EMCN: variants seen among roughly 807,000 people sequenced by gnomAD.
EMCN encodes MUC-14.
In EMCN, 37 loss-of-function variants were observed where a neutral mutation model predicts 38.4. The observed-to-expected ratio is 0.96, with a 90% CI of 0.74 to 1.27. EMCN has a LOEUF of 1.27. Among genes scored for constraint, EMCN ranks in the 50% most tolerant of loss-of-function variants. The pLI, the probability that EMCN is intolerant of heterozygous loss-of-function variation, is 0.00. For missense variants in EMCN, 318 were observed against 302.8 expected (o/e 1.05, Z -0.37); for synonymous variants, 95 against 100.8 (o/e 0.94, Z 0.35).
chr4:100,422,719 A>G (rs1477131385), intron 7 of EMCN, among the ~76,000 whole-genome samples: 2 of 151,914 alleles, frequency 1.3e-5, no homozygotes, highest in East Asian at 3.9e-4. Context: ...CCATCGAGTC[A>G]TCCTTGGCCC....
intron 5 of EMCN, among the ~76,000 whole-genome samples, chr4:100,439,525 T>C (rs1727451206): frequency 1.3e-5 from 2 of 151,510 alleles, no homozygotes; most frequent in African/African-American, 4.8e-5. Flanking sequence ...TAGTCTTCCC[T>C]TTTTTTCATT....
At chr4:100,419,882 C>T (rs1578400017) in intron 8 of EMCN, among the ~76,000 whole-genome samples, 1 of 152,070 alleles carries the variant, frequency 6.6e-6, no homozygotes, top group Admixed American at 6.6e-5. Flanking sequence ...CTGTCGTTAT[C>T]ATACTACAAC....
At chr4:100,494,799 C>T (rs1236306652) in intron 1 of EMCN, among the ~76,000 whole-genome samples, 7 of 149,398 alleles carry the variant, frequency 4.7e-5, no homozygotes, top group African/African-American at 1.7e-4. Context: ...TTTTTTTTTG[C>T]CCCAAGAGTA....
At chr4:100,448,350 T>C (rs1184158395) in intron 4 of EMCN, among the ~76,000 whole-genome samples, 1 of 152,138 alleles carries the variant, frequency 6.6e-6, no homozygotes, top group Non-Finnish European at 1.5e-5. Flanking sequence ...CTTTGTATAT[T>C]CACTTGACTC....
chr4:100,431,374 G>A (rs1378652802), intron 5 of EMCN, among the ~76,000 whole-genome samples: 1 of 152,182 alleles, frequency 6.6e-6, no homozygotes, highest in African/African-American at 2.4e-5. Flanking sequence ...CTGTTAGGGT[G>A]CTTTTGGATA....
At chr4:100,462,786 A>G (rs1260671434) in intron 4 of EMCN, among the ~76,000 whole-genome samples, 1 of 152,178 alleles carries the variant, frequency 6.6e-6, no homozygotes, top group Non-Finnish European at 1.5e-5. Context: ...CCCATTAAAA[A>G]GAAGTAGTAG....
chr4:100,446,170 G>A, intron 5 of EMCN: 4 of 985,290 alleles, frequency 4.1e-6, no homozygotes, highest in Non-Finnish European at 4.8e-6. Flanking sequence ...TCCCAGAACT[G>A]CATCAGTCTT....
At chr4:100,405,380 G>A (rs187525877) in intron 11 of EMCN, among the ~76,000 whole-genome samples, 2 of 151,944 alleles carry the variant, frequency 1.3e-5, no homozygotes, top group Admixed American at 6.6e-5. Context: ...TTATTTTGAG[G>A]TATATTTCTT....
At chr4:100,465,122 T>A (rs1349502648) in intron 4 of EMCN, among the ~76,000 whole-genome samples, 1 of 152,154 alleles carries the variant, frequency 6.6e-6, no homozygotes, top group Non-Finnish European at 1.5e-5. Context: ...TCTAACAATT[T>A]TTTCATTTCA....
chr4:100,433,757 A>C (rs1727269664), intron 5 of EMCN, among the ~76,000 whole-genome samples: 1 of 151,998 alleles, frequency 6.6e-6, no homozygotes, highest in Admixed American at 6.6e-5. Flanking sequence ...GCTGGTCTCA[A>C]ACTCCTGACC....
intron 10 of EMCN, among the ~76,000 whole-genome samples, chr4:100,412,776 A>T (rs1726600372): frequency 6.6e-6 from 1 of 152,186 alleles, no homozygotes; most frequent in South Asian, 2.1e-4. Context: ...AAATTTAAAC[A>T]TGCATGAGTT....
chr4:100,497,656 G>A (rs1177588112), intron 1 of EMCN, among the ~76,000 whole-genome samples: 2 of 152,124 alleles, frequency 1.3e-5, no homozygotes, highest in African/African-American at 2.4e-5. Flanking sequence ...GATTACAGGC[G>A]TGAGCCACCG....
rs1171079331 is a variant in EMCN, at chr4:100,486,537, T to C, written c.65-6498A>G. Among the ~76,000 whole-genome samples the C allele has an allele frequency of 2.6e-5, 4 of 152,340 alleles. No individual in the cohort carries two copies. In the South Asian group the frequency reaches 8.3e-4, roughly 32 times the overall value. On this transcript the variant is annotated intron_variant, in intron 1 of 11. Transcript: ENST00000296420. ...GAGTGTTTAAATTTCCTATATGAAA[T>C]GACTTTGGAAGATAAGTAAGAAAAT...
chr4:100,462,671 A>G (rs1304399454), intron 4 of EMCN, among the ~76,000 whole-genome samples: 1 of 152,134 alleles, frequency 6.6e-6, no homozygotes, highest in East Asian at 1.9e-4. Flanking sequence ...TATTACTTAC[A>G]AAATAGGTTC....
At chr4:100,423,452 C>A in intron 5 of EMCN, 48 bp from the exon 6 acceptor site, 1 of 1,308,266 alleles carries the variant, frequency 7.6e-7, no homozygotes, top group South Asian at 1.2e-5. Flanking sequence ...ATTAAGCCTT[C>A]ATATGGGATT....
intron 10 of EMCN, among the ~76,000 whole-genome samples, chr4:100,413,588 T>C (rs943596516): frequency 6.6e-6 from 1 of 152,280 alleles, no homozygotes; most frequent in Non-Finnish European, 1.5e-5. Context: ...TGAATAAAAA[T>C]TGTGGTAGTA....
intron 1 of EMCN, among the ~76,000 whole-genome samples, chr4:100,511,728 G>C (rs760298217): frequency 2.4e-4 from 36 of 151,924 alleles, no homozygotes; most frequent in Non-Finnish European, 4.7e-4. Flanking sequence ...TCTTTACTTA[G>C]ATATACACTA....
At chr4:100,434,223 T>C (rs1333992214) in intron 5 of EMCN, among the ~76,000 whole-genome samples, 1 of 151,804 alleles carries the variant, frequency 6.6e-6, no homozygotes, top group Non-Finnish European at 1.5e-5. Flanking sequence ...CAAACAACCA[T>C]CAGAGACTAC....
chr4:100,466,199 A>T (rs914693085), intron 3 of EMCN, among the ~76,000 whole-genome samples: 2 of 151,528 alleles, frequency 1.3e-5, no homozygotes, highest in Non-Finnish European at 3.0e-5. Context: ...TCTGAAAAAA[A>T]ATCGATGCCC....
Sources: allele counts gnomAD v4.1 joint callset (sites outside exome capture counted in the v4.1 genomes callset), GRCh38; gene constraint gnomAD v4.1.1; transcripts MANE v1.5; gene names NCBI Gene and HGNC (gene_info 2026-07-23, HGNC 2026-07-21).